SLC28A1: variants seen among roughly 807,000 people sequenced by gnomAD.
The protein encoded by SLC28A1 is sodium/nucleoside cotransporter 1.
A neutral mutation model predicts 74.8 loss-of-function variants in SLC28A1; 64 were observed. The observed-to-expected ratio is 0.86, with a 90% CI of 0.70 to 1.05. The LOEUF is 1.05. Ranked by LOEUF, SLC28A1 falls within the 50% of genes least tolerant of loss-of-function variation. SLC28A1 has a pLI of 0.00. For synonymous variants in SLC28A1, 359 were observed against 335.0 expected (o/e 1.07, Z -0.78); for missense variants, 828 against 822.8 (o/e 1.01, Z -0.08).
chr15:84,936,638 T>C (rs1293776239), intron 15 of SLC28A1, among the ~76,000 whole-genome samples: 1 of 152,206 alleles, frequency 6.6e-6, no homozygotes, highest in Non-Finnish European at 1.5e-5. Context: ...ACTATAAAAG[T>C]TCTATAAAAT....
rs373162558 is a variant in SLC28A1 at position 84,905,497 on chromosome 15, C to G, written c.604-42C>G. 8.7e-5 allele frequency: 123 copies of G among 1,418,880 alleles called. No homozygotes were observed. The African/African-American group carries it at 1.6e-3, about 18-fold the overall frequency. 87.9% of individuals were successfully genotyped at this position (1,418,880 alleles called of 1,614,324 possible). On this transcript the variant is annotated intron_variant, in intron 7 of 18. Coordinates refer to ENST00000394573, the MANE Select transcript of SLC28A1 (RefSeq NM_004213.5). ...CCCCCACCCGGCTCCCTGCCCATCC[C>G]TCAAGGAACTGAACTCAGCTTTCTG...
the SLC28A1 span, among the ~76,000 whole-genome samples, chr15:84,974,299 TC>T: frequency 6.6e-6 from 1 of 152,252 alleles, no homozygotes; most frequent in African/African-American, 2.4e-5. Context: ...GTTTGGCTCC[TC>T]AGTTTCCCAT....
At chr15:84,927,849 T>A (rs1378659903) in intron 12 of SLC28A1, among the ~76,000 whole-genome samples, 1 of 152,158 alleles carries the variant, frequency 6.6e-6, no homozygotes, top group Non-Finnish European at 1.5e-5. Context: ...AGGAATTTGA[T>A]ATTTCAAAAA....
In SLC28A1 at chr15:84,900,463, C is replaced by T. The variant is rs543978580; in HGVS notation, c.462-3634C>T. ...GAAAGAAATGTTAAAGGAAATTCTT[C>T]GAAGAGAAGGAAAATGCTACTAGAC... On this transcript the variant is annotated intron_variant, in intron 6 of 18. Coordinates refer to ENST00000394573, the MANE Select transcript of SLC28A1 (RefSeq NM_004213.5). Among the ~76,000 whole-genome samples the T allele has an allele frequency of 4.8e-5, 7 of 147,118 alleles. No individual in the cohort carries two copies. The East Asian group carries it at 6.0e-4, about 13-fold the overall frequency.
chr15:84,969,111 G>C, the SLC28A1 span, among the ~76,000 whole-genome samples: 2,546 of 152,318 alleles, frequency 0.017, 18 homozygotes, highest in Middle Eastern at 0.031. Context: ...ATATGACTCT[G>C]GTTCTGCCAG....
intron 15 of SLC28A1, among the ~76,000 whole-genome samples, chr15:84,937,053 TAAA>T (rs33988815): frequency 0.025 from 3,708 of 147,322 alleles, 56 homozygotes; most frequent in Non-Finnish European, 0.037. Context: ...ACCCTGTCTT[TAAA>T]AAAAAAAAAA....
intron 11 of SLC28A1, 91 bp downstream of exon 11, chr15:84,921,160 A>G: frequency 3.1e-6 from 3 of 973,936 alleles, no homozygotes; most frequent in African/African-American, 3.2e-5. Context: ...GATTCAGTCC[A>G]AGGAAGAGCC....
the SLC28A1 span, among the ~76,000 whole-genome samples, chr15:84,973,215 TGCCTG>T: frequency 4.6e-5 from 7 of 152,226 alleles, no homozygotes; most frequent in East Asian, 9.6e-4. Context: ...CTTTTACCTC[TGCCTG>T]GAATGTTCTT....
the SLC28A1 span, among the ~76,000 whole-genome samples, chr15:84,960,228 C>CTTTTTTTTTTTTTTTT: frequency 3.5e-5 from 3 of 85,590 alleles, no homozygotes; most frequent in Non-Finnish European, 6.3e-5. Flanking sequence ...TGCCTGCCTG[C>CTTTTTTTTTTTTTTTT]TTTTTTTTTT....
chr15:84,910,483 C>A (rs1188345631), intron 9 of SLC28A1, among the ~76,000 whole-genome samples: 1 of 152,210 alleles, frequency 6.6e-6, no homozygotes, highest in Non-Finnish European at 1.5e-5. Context: ...AATCCTAGCA[C>A]TTTGGGAGGC....
intron 6 of SLC28A1, among the ~76,000 whole-genome samples, chr15:84,900,933 A>G (rs903824764): frequency 2.0e-5 from 3 of 150,760 alleles, no homozygotes; most frequent in Non-Finnish European, 3.0e-5. Flanking sequence ...TTAAAATTTA[A>G]TTAACTTAGG....
intron 12 of SLC28A1, among the ~76,000 whole-genome samples, chr15:84,925,269 T>C (rs186975492): frequency 7.9e-5 from 12 of 151,974 alleles, no homozygotes; most frequent in South Asian, 2.1e-4. Flanking sequence ...GTGGGGTCCA[T>C]GGACCAGCAT....
At chr15:84,899,689 T>C (rs1966390165) in intron 6 of SLC28A1, among the ~76,000 whole-genome samples, 1 of 152,074 alleles carries the variant, frequency 6.6e-6, no homozygotes, top group African/African-American at 2.4e-5. Context: ...ACTCTTTCAG[T>C]CATACAAAAG....
chr15:84,936,116 C>A (rs1395266356), intron 15 of SLC28A1, among the ~76,000 whole-genome samples: 3 of 151,130 alleles, frequency 2.0e-5, no homozygotes, highest in African/African-American at 7.3e-5. Flanking sequence ...CCACCGCGCC[C>A]GGCTAATTTT....
chr15:84,944,661 G>T lies in SLC28A1; in HGVS notation c.1759G>T (p.Ala587Ser), dbSNP rs114788718. ...ACVSLVNACM[A>S]GILYMPRGAE... is the part of the protein sequence containing the mutation. ...TGTGTCCCTGGTGAACGCCTGTATGGCAGGTGAGTGCAGGCCTGGCAGGCT... is the reference window on the plus strand; with the variant it reads ...TGTGTCCCTGGTGAACGCCTGTATGTCAGGTGAGTGCAGGCCTGGCAGGCT... Residue 587 changes from alanine (A) to serine (S), a missense_variant, in exon 17 of 19, where the codon GCA becomes TCA. By Grantham distance (99) the Ala-to-Ser change is moderately conservative. This residue lies in a region of SLC28A1 where 767 missense variants were observed against 753.5 expected (regional missense o/e 1.02). Coordinates refer to ENST00000394573, the MANE Select transcript of SLC28A1 (RefSeq NM_004213.5). 21 of 1,611,460 alleles carry T rather than the reference G, an allele frequency of 1.3e-5. No homozygotes were observed. In the East Asian group the frequency reaches 4.7e-4, roughly 36 times the overall value.
At chr15:84,950,907 T>A in the SLC28A1 span, among the ~76,000 whole-genome samples, 167 of 152,250 alleles carry the variant, frequency 1.1e-3, 1 homozygote, top group African/African-American at 3.7e-3. Context: ...ACTACTCAAC[T>A]CTGCACTTGT....
At chr15:84,951,802 C>T in the SLC28A1 span, among the ~76,000 whole-genome samples, 1 of 152,156 alleles carries the variant, frequency 6.6e-6, no homozygotes, top group Non-Finnish European at 1.5e-5. Flanking sequence ...ATACCTCCCA[C>T]TGGCCACCAA....
At chr15:84,899,967 A>AGAAG (rs372536809) in intron 6 of SLC28A1, among the ~76,000 whole-genome samples, 21 of 54,888 alleles carry the variant, frequency 3.8e-4, no homozygotes, top group Non-Finnish European at 6.5e-4. Context: ...AAGGAAGGAA[A>AGAAG]GAAGGAAGGA....
chr15:84,904,379 G>T, intron 7 of SLC28A1, 141 bp downstream of exon 7: 1 of 1,243,712 alleles, frequency 8.0e-7, no homozygotes, highest in Non-Finnish European at 1.2e-6. Flanking sequence ...AGGCCTGTGT[G>T]TATCAGGATA....
Sources: allele counts gnomAD v4.1 joint callset (sites outside exome capture counted in the v4.1 genomes callset), GRCh38; gene constraint gnomAD v4.1.1; regional missense constraint gnomAD v4.1.1; transcripts MANE v1.5; gene names NCBI Gene and HGNC (gene_info 2026-07-23, HGNC 2026-07-21).